PLXDC2: variants seen among roughly 807,000 people sequenced by gnomAD.
PLXDC2 encodes plexin domain-containing protein 2.
PLXDC2 carries 40 observed loss-of-function variants against 68.9 expected under a neutral mutation model. The observed-to-expected ratio is 0.58, with a 90% CI of 0.45 to 0.76. The LOEUF (loss-of-function observed/expected upper bound fraction) is 0.76. Among genes scored for constraint, PLXDC2 ranks in the 30% least tolerant of loss-of-function variants. The pLI is 0.00. For missense variants in PLXDC2, 644 were observed against 661.9 expected (o/e 0.97, Z 0.30); for synonymous variants, 243 against 234.2 (o/e 1.04, Z -0.34).
intron 6 of PLXDC2, among the ~76,000 whole-genome samples, chr10:20,161,330 TA>T (rs35416320): frequency 0.3 from 44,659 of 149,024 alleles, 7,056 homozygotes; most frequent in East Asian, 0.51. Context: ...AAATAAAAAT[TA>T]AAAAAAAAAA....
chr10:19,988,184 A>T (rs1202167748), intron 1 of PLXDC2, among the ~76,000 whole-genome samples: 1 of 152,216 alleles, frequency 6.6e-6, no homozygotes, highest in African/African-American at 2.4e-5. Flanking sequence ...AATGATTTTG[A>T]AAGCCTTTGC....
At chr10:20,217,135 A>C (rs538497805) in intron 10 of PLXDC2, among the ~76,000 whole-genome samples, 4 of 152,328 alleles carry the variant, frequency 2.6e-5, no homozygotes, top group African/African-American at 9.6e-5. Flanking sequence ...TAAATATACC[A>C]ATGTAAAATT....
At chr10:19,845,437 G>A (rs1836990356) in intron 1 of PLXDC2, among the ~76,000 whole-genome samples, 1 of 152,154 alleles carries the variant, frequency 6.6e-6, no homozygotes, top group Admixed American at 6.5e-5. Context: ...TCTTCTGAGT[G>A]TTAATGATAG....
intron 4 of PLXDC2, among the ~76,000 whole-genome samples, chr10:20,073,919 A>G (rs1465113575): frequency 1.3e-5 from 2 of 152,154 alleles, no homozygotes; most frequent in African/African-American, 4.8e-5. Context: ...ATCACTAGGA[A>G]TGATGTTTTT....
chr10:19,999,621 G>A (rs1380248139), intron 1 of PLXDC2, among the ~76,000 whole-genome samples: 1 of 152,022 alleles, frequency 6.6e-6, no homozygotes, highest in Non-Finnish European at 1.5e-5. Context: ...CTATGTCAGG[G>A]GTGTAACTTG....
At chr10:20,231,098 A>G (rs982702023) in intron 12 of PLXDC2, among the ~76,000 whole-genome samples, 1 of 151,894 alleles carries the variant, frequency 6.6e-6, no homozygotes, top group Non-Finnish European at 1.5e-5. Context: ...TCATTCCACA[A>G]TGTATATATA....
intron 1 of PLXDC2, among the ~76,000 whole-genome samples, chr10:19,839,861 C>T (rs867754566): frequency 2.6e-5 from 4 of 152,082 alleles, no homozygotes; most frequent in Admixed American, 6.6e-5. Context: ...CTTATGATAA[C>T]AAAGGTTGAA....
At chr10:20,154,292 C>T (rs1401062252) in intron 6 of PLXDC2, among the ~76,000 whole-genome samples, 3 of 152,138 alleles carry the variant, frequency 2.0e-5, no homozygotes, top group Non-Finnish European at 1.5e-5. Flanking sequence ...TGGCCGGGTA[C>T]GGTGGCTCAC....
chr10:19,983,643 C>T (rs146671543), intron 1 of PLXDC2, among the ~76,000 whole-genome samples: 44 of 152,292 alleles, frequency 2.9e-4, no homozygotes, highest in African/African-American at 1.0e-3. Context: ...CTTCTGCCTC[C>T]CTCCTCTATC....
At chr10:20,109,580 A>G (rs1158618264) in intron 4 of PLXDC2, among the ~76,000 whole-genome samples, 1 of 152,298 alleles carries the variant, frequency 6.6e-6, no homozygotes, top group Non-Finnish European at 1.5e-5. Flanking sequence ...CATAAATATC[A>G]GTTTGATATT....
At chr10:20,074,341 C>T (rs547348862) in intron 4 of PLXDC2, among the ~76,000 whole-genome samples, 15 of 152,060 alleles carry the variant, frequency 9.9e-5, no homozygotes, top group Non-Finnish European at 1.9e-4. Flanking sequence ...AAACTAATAA[C>T]GTGGACATTT....
chr10:19,888,523 A>G (rs1205676789), intron 1 of PLXDC2, among the ~76,000 whole-genome samples: 1 of 152,108 alleles, frequency 6.6e-6, no homozygotes, highest in Non-Finnish European at 1.5e-5. Context: ...GAAGAAAAGC[A>G]AGTCAGTGGA....
At chr10:20,038,995 C>G (rs1835629053) in intron 2 of PLXDC2, among the ~76,000 whole-genome samples, 1 of 152,074 alleles carries the variant, frequency 6.6e-6, no homozygotes, top group Admixed American at 6.6e-5. Flanking sequence ...AAGAGGGAAT[C>G]TATGTGCAGG....
chr10:19,949,827 T>C (rs547927016), intron 1 of PLXDC2, among the ~76,000 whole-genome samples: 4 of 152,292 alleles, frequency 2.6e-5, no homozygotes, highest in South Asian at 4.1e-4. Context: ...CATAACACAA[T>C]AGTATTGTTT....
At chr10:20,091,158 TGTGCTGAGGCCCTACATGGGCA>T (rs1306051649) in intron 4 of PLXDC2, among the ~76,000 whole-genome samples, 13 of 152,320 alleles carry the variant, frequency 8.5e-5, no homozygotes, top group Admixed American at 3.9e-4. Context: ...TGGGCATCTC[TGTGCTGAGGCCCTACATGGGCA>T]GTAGGTTCAA....
intron 12 of PLXDC2, among the ~76,000 whole-genome samples, chr10:20,238,958 A>G (rs950533386): frequency 6.6e-6 from 1 of 151,900 alleles, no homozygotes; most frequent in Non-Finnish European, 1.5e-5. Context: ...TTCATTTTAT[A>G]TTAAAAATGT....
chr10:19,881,554 C>A (rs1234286592), intron 1 of PLXDC2, among the ~76,000 whole-genome samples: 1 of 151,884 alleles, frequency 6.6e-6, no homozygotes, highest in Non-Finnish European at 1.5e-5. Context: ...AATGGAATAT[C>A]TACTAGATTT....
At chr10:20,248,158 A>T (rs2065457) in intron 13 of PLXDC2, among the ~76,000 whole-genome samples, 108,143 of 152,048 alleles carry the variant, frequency 0.71, 39,306 homozygotes, top group Non-Finnish European at 0.8. Flanking sequence ...GAAATATCTG[A>T]TGGTGATGGT....
chr10:19,924,098 C>A (rs955794151), intron 1 of PLXDC2, among the ~76,000 whole-genome samples: 3 of 152,136 alleles, frequency 2.0e-5, no homozygotes, highest in Non-Finnish European at 2.9e-5. Flanking sequence ...ATTTACCCAA[C>A]CTCTCCTCCC....
Sources: gnomAD v4.1 joint callset for allele counts (sites outside exome capture counted in the v4.1 genomes callset) on GRCh38, gnomAD v4.1.1 for gene constraint, MANE v1.5 for transcripts, NCBI Gene and HGNC (gene_info 2026-07-23, HGNC 2026-07-21) for gene names.